Variants in CFAP77 observed in about 807,000 individuals in gnomAD.
The protein encoded by CFAP77 is cilia- and flagella-associated protein 77.
Under a neutral mutation model 31.1 loss-of-function variants are expected in CFAP77, and 25 were observed. The observed-to-expected ratio is 0.80, with a 90% confidence interval of 0.59 to 1.12. The LOEUF is 1.12. CFAP77 is among the 50% of genes most tolerant of loss of function. CFAP77 has a pLI of 0.00. For synonymous variants in CFAP77, 151 were observed against 159.9 expected (o/e 0.94, Z 0.42); for missense variants, 377 against 397.3 (o/e 0.95, Z 0.44).
intron 3 of CFAP77, among the ~76,000 whole-genome samples, chr9:132,510,295 G>A (rs943141425): frequency 6.6e-5 from 10 of 152,260 alleles, no homozygotes; most frequent in African/African-American, 2.4e-4. Context: ...ACCCGTGTCA[G>A]GGGAGGGGCA....
intron 3 of CFAP77, among the ~76,000 whole-genome samples, chr9:132,532,245 G>A (rs1307668619): frequency 1.3e-5 from 2 of 152,332 alleles, no homozygotes; most frequent in African/African-American, 2.4e-5. Flanking sequence ...AGAGAGCTGC[G>A]TGGAGGGGAG....
At chr9:132,557,254 G>C (rs911591932) in intron 5 of CFAP77, among the ~76,000 whole-genome samples, 2 of 152,186 alleles carry the variant, frequency 1.3e-5, no homozygotes, top group Admixed American at 1.3e-4. Context: ...AGCTGCCAGC[G>C]TGAGGTTCTT....
Position 132,499,514 on chromosome 9 carries a change from C to T in CFAP77, c.438C>T (p.Asp146=), listed in dbSNP as rs140116787. The T allele has an allele frequency of 4.3e-4, 691 of 1,614,212 alleles. No homozygotes were observed. The highest frequency in any genetic ancestry group is 5.5e-4 in the Non-Finnish European group (651 of 1,180,042). ...RENLLYRQLN[D]IRISDQDDRR... ...ACTTGCTCTACCGTCAGCTCAATGA[C>T]ATCCGCATCAGTGACCAGGATGACC... is the stretch of plus-strand genomic sequence containing the variant. Residue 146 remains aspartate (D), a synonymous_variant, in exon 3 of 6, where the codon GAC becomes GAT. Coordinates refer to ENST00000393216, the MANE Select transcript of CFAP77 (RefSeq NM_001282957.2). This position sits in a 1 kb window ranked among gnomAD's most constrained non-coding sequence, Gnocchi z 5.4.
chr9:132,431,797 A>G (rs1367852718), intron 1 of CFAP77, among the ~76,000 whole-genome samples: 1 of 152,198 alleles, frequency 6.6e-6, no homozygotes, highest in Non-Finnish European at 1.5e-5. Context: ...TTACTCAAAG[A>G]CATATTAGGC....
intron 1 of CFAP77, among the ~76,000 whole-genome samples, chr9:132,464,604 A>C (rs1227037834): frequency 1.3e-5 from 2 of 152,244 alleles, no homozygotes; most frequent in African/African-American, 4.8e-5. Flanking sequence ...TGTAATCAAT[A>C]TAAAATTATT....
At chr9:132,451,333 C>T (rs1427061070) in intron 1 of CFAP77, among the ~76,000 whole-genome samples, 1 of 126,328 alleles carries the variant, frequency 7.9e-6, no homozygotes, top group Non-Finnish European at 1.6e-5. Context: ...AGCGAAACTC[C>T]ATCTTAAAAA....
chr9:132,441,761 ATCT>A lies in CFAP77; in HGVS notation c.195+31301_195+31303del, dbSNP rs369114469. ...CCCGGATTCAAATACCAGGAACCCG[ATCT>A]TCTTCAATGGCAAGGCTTGGGTCAG... On this transcript the variant is annotated intron_variant, in intron 1 of 5. Coordinates refer to ENST00000393216, the MANE Select transcript of CFAP77 (RefSeq NM_001282957.2). Among the ~76,000 whole-genome samples the A allele has an allele frequency of 3.7e-3, 570 of 152,300 alleles. 8 individuals are homozygous for A. The highest frequency in any genetic ancestry group is 0.013 in the African/African-American group (542 of 41,572).
At chr9:132,537,769 C>T in intron 4 of CFAP77, 63 bp downstream of exon 4, 1 of 1,249,926 alleles carries the variant, frequency 8.0e-7, no homozygotes, top group Non-Finnish European at 1.2e-6. Flanking sequence ...AAGGGCTGGC[C>T]AGGGCCAAGC....
intron 5 of CFAP77, among the ~76,000 whole-genome samples, chr9:132,568,385 T>A (rs1251860568): frequency 6.6e-6 from 1 of 151,690 alleles, no homozygotes; most frequent in Non-Finnish European, 1.5e-5. Context: ...AGAAACCCCG[T>A]TTCTACTAAA....
chr9:132,502,283 AG>A (rs1489691478), intron 3 of CFAP77, among the ~76,000 whole-genome samples: 3 of 95,484 alleles, frequency 3.1e-5, no homozygotes, highest in Non-Finnish European at 6.8e-5. Context: ...TTTTTGGGGG[AG>A]GGGGGTGGTA....
chr9:132,546,824 C>G (rs552534365), intron 5 of CFAP77, among the ~76,000 whole-genome samples: 258 of 152,352 alleles, frequency 1.7e-3, no homozygotes, highest in Admixed American at 3.2e-3. Context: ...GACAGTTATG[C>G]CTGGGCTCTC....
At chr9:132,464,867 G>A (rs943176559) in intron 1 of CFAP77, among the ~76,000 whole-genome samples, 2 of 151,998 alleles carry the variant, frequency 1.3e-5, no homozygotes, top group Admixed American at 6.6e-5. Context: ...TGAGGCGGGT[G>A]GATCACCTGA....
At chr9:132,438,541 A>ATATATATTTTTTTTTTT in intron 1 of CFAP77, among the ~76,000 whole-genome samples, 1 of 108,128 alleles carries the variant, frequency 9.2e-6, no homozygotes, top group East Asian at 2.3e-4. Flanking sequence ...ATATATATAT[A>ATATATATTTTTTTTTTT]TTTTTTTTTT....
At chr9:132,520,504 GT>G (rs1331530922) in intron 3 of CFAP77, among the ~76,000 whole-genome samples, 1 of 152,174 alleles carries the variant, frequency 6.6e-6, no homozygotes, top group African/African-American at 2.4e-5. Context: ...AAATTAGCCA[GT>G]TACGGTGGTG....
chr9:132,413,863 T>G (rs1170577031), intron 1 of CFAP77, among the ~76,000 whole-genome samples: 1 of 152,218 alleles, frequency 6.6e-6, no homozygotes, highest in Non-Finnish European at 1.5e-5. Context: ...TTTGTTTTTC[T>G]GTGAGGTTTT....
chr9:132,424,596 C>T lies in CFAP77; in HGVS notation c.195+14130C>T, dbSNP rs1017134022. On this transcript the variant is annotated intron_variant, in intron 1 of 5. Transcript: ENST00000393216. The surrounding 1 kb of genome is among the most constrained non-coding windows in gnomAD (Gnocchi z 4.1). ...TGGAGGAAGCACACTACCAAGAAGGCGGCAGAGGGAGGTTCCTGGGAAAGG... is the reference window on the plus strand; with the variant it reads ...TGGAGGAAGCACACTACCAAGAAGGTGGCAGAGGGAGGTTCCTGGGAAAGG... Among the ~76,000 whole-genome samples, 9 of 152,216 alleles carry T rather than the reference C, an allele frequency of 5.9e-5. No individual in the cohort carries two copies. The highest frequency in any genetic ancestry group is 1.2e-4 in the Non-Finnish European group (8 of 67,986).
intron 1 of CFAP77, among the ~76,000 whole-genome samples, chr9:132,491,493 T>A (rs149857666): frequency 6.6e-6 from 1 of 152,290 alleles, no homozygotes; most frequent in East Asian, 1.9e-4. Flanking sequence ...CCTTGTGTGA[T>A]CATTATACAA....
At chr9:132,474,639 G>A (rs1320949880) in intron 1 of CFAP77, among the ~76,000 whole-genome samples, 4 of 152,192 alleles carry the variant, frequency 2.6e-5, no homozygotes, top group Non-Finnish European at 4.4e-5. Flanking sequence ...CTCAGTTCGG[G>A]TGGCGGCGGT....
intron 1 of CFAP77, among the ~76,000 whole-genome samples, chr9:132,463,973 G>A (rs1406890878): frequency 2.0e-5 from 3 of 152,200 alleles, no homozygotes; most frequent in South Asian, 2.1e-4. Context: ...TTTAGTTCCC[G>A]GTCATGGCTG....
Sources: gnomAD v4.1 joint callset for allele counts (sites outside exome capture counted in the v4.1 genomes callset) on GRCh38, gnomAD v4.1.1 for gene constraint, Gnocchi (gnomAD v3.1) non-coding constraint, MANE v1.5 for transcripts, NCBI Gene and HGNC (gene_info 2026-07-23, HGNC 2026-07-21) for gene names.